PDE1A: variants seen among roughly 807,000 people sequenced by gnomAD.
The protein encoded by PDE1A is phosphodiesterase 1A.
In PDE1A, 35 loss-of-function variants were observed where a neutral mutation model predicts 61.7. That is an observed-to-expected ratio of 0.57 (90% CI 0.43 to 0.75). The LOEUF (loss-of-function observed/expected upper bound fraction) is 0.75, where lower values mean the gene tolerates loss of function less well. Ranked by LOEUF, PDE1A falls within the 30% of genes least tolerant of loss-of-function variation. The pLI is 0.00. For synonymous variants in PDE1A, 232 were observed against 213.2 expected (o/e 1.09, Z -0.77); for missense variants, 597 against 630.6 (o/e 0.95, Z 0.57).
intron 2 of PDE1A, among the ~76,000 whole-genome samples, chr2:182,447,004 T>C (rs1399875241): frequency 1.3e-5 from 2 of 151,774 alleles, no homozygotes; most frequent in Non-Finnish European, 2.9e-5. Flanking sequence ...CACAAAATCT[T>C]TTGTTTTGTC....
At chr2:182,160,289 A>G (rs2125295909) in intron 13 of PDE1A, among the ~76,000 whole-genome samples, 1 of 152,160 alleles carries the variant, frequency 6.6e-6, no homozygotes, top group African/African-American at 2.4e-5. Flanking sequence ...GACTGGATTG[A>G]GGGCTGGTGA....
chr2:182,678,057 T>C, the PDE1A span, among the ~76,000 whole-genome samples: 7 of 152,150 alleles, frequency 4.6e-5, no homozygotes, highest in African/African-American at 1.2e-4. Context: ...AAGGCAAGAA[T>C]GAGAGAAGGA....
At chr2:182,153,177 C>T (rs1343025491) in intron 13 of PDE1A, among the ~76,000 whole-genome samples, 2 of 152,046 alleles carry the variant, frequency 1.3e-5, no homozygotes, top group Non-Finnish European at 2.9e-5. Flanking sequence ...GAAGCTAATA[C>T]CTTGTCAGAT....
intron 1 of PDE1A, among the ~76,000 whole-genome samples, chr2:182,356,759 T>G (rs145892369): frequency 6.6e-6 from 1 of 152,042 alleles, no homozygotes; most frequent in South Asian, 2.1e-4. Flanking sequence ...CTATTCACAA[T>G]AGCAAAGACT....
intron 1 of PDE1A, among the ~76,000 whole-genome samples, chr2:182,323,750 A>G (rs73975006): frequency 0.015 from 2,233 of 152,296 alleles, 49 homozygotes; most frequent in African/African-American, 0.051. Flanking sequence ...TAGTAACGCA[A>G]GTATTACATC....
chr2:182,229,168 C>G (rs1027903821), intron 6 of PDE1A, among the ~76,000 whole-genome samples: 1 of 152,086 alleles, frequency 6.6e-6, no homozygotes, highest in Non-Finnish European at 1.5e-5. Context: ...ATTTGGCTCC[C>G]TTTACACTTG....
At chr2:182,443,293 G>C (rs1559468184) in intron 2 of PDE1A, among the ~76,000 whole-genome samples, 1 of 151,480 alleles carries the variant, frequency 6.6e-6, no homozygotes, top group African/African-American at 2.4e-5. Flanking sequence ...TGGTCAAACT[G>C]TTTAATTTAT....
At chr2:182,304,655 A>G (rs113225871) in intron 1 of PDE1A, among the ~76,000 whole-genome samples, 1,635 of 152,294 alleles carry the variant, frequency 0.011, 26 homozygotes, top group South Asian at 0.073. Context: ...TTGTGTCTCA[A>G]AGAATAGGAA....
At chr2:182,334,379 A>T (rs1016428094) in intron 1 of PDE1A, among the ~76,000 whole-genome samples, 1 of 152,254 alleles carries the variant, frequency 6.6e-6, no homozygotes, top group African/African-American at 2.4e-5. Flanking sequence ...ATCCTCAATA[A>T]AATACTGGCA....
intron 10 of PDE1A, among the ~76,000 whole-genome samples, chr2:182,195,099 C>G (rs906477383): frequency 6.6e-6 from 1 of 152,082 alleles, no homozygotes; most frequent in African/African-American, 2.4e-5. Context: ...TAATTGGTTA[C>G]TTTTTAAACT....
At chr2:182,522,472 C>A in intron 1 of PDE1A, 3 of 1,569,672 alleles carry the variant, frequency 1.9e-6, no homozygotes, top group Non-Finnish European at 2.6e-6. Context: ...TATACAGTAG[C>A]CTCTCTTATC....
At chr2:182,683,944 A>T in the PDE1A span, among the ~76,000 whole-genome samples, 7 of 151,870 alleles carry the variant, frequency 4.6e-5, no homozygotes, top group South Asian at 1.0e-3. Context: ...ACATGGAGAA[A>T]CCCCATTTCT....
the PDE1A span, among the ~76,000 whole-genome samples, chr2:182,642,194 T>C: frequency 2.0e-5 from 3 of 152,226 alleles, no homozygotes; most frequent in African/African-American, 7.2e-5. Context: ...TTATGTAATA[T>C]AATAAGAAAT....
chr2:182,611,725 T>C, the PDE1A span, among the ~76,000 whole-genome samples: 2 of 151,588 alleles, frequency 1.3e-5, no homozygotes, highest in African/African-American at 4.9e-5. Context: ...CCAGGAAATA[T>C]ATATTAAAGA....
the PDE1A span, among the ~76,000 whole-genome samples, chr2:182,549,875 A>G: frequency 1.3e-5 from 2 of 152,190 alleles, no homozygotes; most frequent in Non-Finnish European, 2.9e-5. Flanking sequence ...ACATTTGGTT[A>G]AGGTAAATTG....
At chr2:182,281,948 A>G (rs1168692243) in intron 1 of PDE1A, among the ~76,000 whole-genome samples, 1 of 151,972 alleles carries the variant, frequency 6.6e-6, no homozygotes, top group Non-Finnish European at 1.5e-5. Flanking sequence ...TATATTATTG[A>G]TACCATTTTG....
intron 1 of PDE1A, among the ~76,000 whole-genome samples, chr2:182,392,950 C>A (rs1701502082): frequency 6.6e-6 from 1 of 152,246 alleles, no homozygotes; most frequent in Non-Finnish European, 1.5e-5. Flanking sequence ...GTGGCTTTTC[C>A]AGATACACAG....
intron 1 of PDE1A, among the ~76,000 whole-genome samples, chr2:182,413,423 A>G (rs16823182): frequency 0.031 from 4,763 of 152,294 alleles, 110 homozygotes; most frequent in Middle Eastern, 0.071. Flanking sequence ...AAGAGTAGAG[A>G]AAGAAATGTT....
intron 1 of PDE1A, among the ~76,000 whole-genome samples, chr2:182,335,592 C>T (rs971608432): frequency 6.6e-6 from 1 of 152,158 alleles, no homozygotes; most frequent in Non-Finnish European, 1.5e-5. Flanking sequence ...TGGATCCCTT[C>T]CTTACACCTT....
Sources: gnomAD v4.1 joint callset for allele counts (sites outside exome capture counted in the v4.1 genomes callset) on GRCh38, gnomAD v4.1.1 for gene constraint, MANE v1.5 for transcripts, NCBI Gene and HGNC (gene_info 2026-07-23, HGNC 2026-07-21) for gene names.